The following ASPH variants were observed in gnomAD, a reference collection of about 807,000 sequenced individuals.
ASPH encodes the protein aspartate beta-hydroxylase.
ASPH carries 100 observed loss-of-function variants against 118.4 expected under a neutral mutation model. The observed-to-expected ratio is 0.84, with a 90% CI of 0.72 to 1.00. ASPH has a LOEUF of 1.00. Ranked by LOEUF, ASPH falls within the 50% of genes least tolerant of loss-of-function variation. The pLI, the probability that ASPH is intolerant of heterozygous loss-of-function variation, is 0.00. For synonymous variants in ASPH, 315 were observed against 325.6 expected, an observed-to-expected ratio of 0.97 and a Z score of 0.35; for missense variants, 920 against 919.5, an observed-to-expected ratio of 1.00 and a Z score of -0.01.
rs748124930 is a variant in ASPH at position 61,703,052 on chromosome 8, T to C, written c.103+11217A>G. On this transcript the variant is annotated intron_variant, in intron 1 of 24. Coordinates refer to ENST00000379454, the MANE Select transcript of ASPH (RefSeq NM_004318.4). ...CAAAATATTAGCAAATAAAGCAATA[T>C]ATAAAAAGGACAATTCAAATCAACC... Among the ~76,000 whole-genome samples, 6 of 152,178 alleles carry C rather than the reference T, an allele frequency of 3.9e-5. No individual in the cohort carries two copies. The East Asian group carries it at 9.7e-4, about 24-fold the overall frequency.
intron 15 of ASPH, chr8:61,579,289 A>G: frequency 6.2e-7 from 1 of 1,614,178 alleles, no homozygotes; most frequent in Non-Finnish European, 8.5e-7. Flanking sequence ...TCCGAGCTGG[A>G]GGCTGCCCTG....
chr8:61,578,180 C>T (rs1000020692), intron 15 of ASPH: 94 of 1,537,896 alleles, frequency 6.1e-5, no homozygotes, highest in African/African-American at 4.4e-4. Flanking sequence ...CTAGGATCTC[C>T]GCCTGGTTCG....
intron 3 of ASPH, chr8:61,661,948 C>G (rs1479849449): frequency 9.0e-6 from 4 of 445,924 alleles, no homozygotes; most frequent in Non-Finnish European, 1.2e-5. Context: ...AATTGAAAGA[C>G]TTGTTTAAAA....
intron 3 of ASPH, chr8:61,659,491 GATAC>G (rs1361673601): frequency 3.3e-5 from 5 of 152,142 alleles, no homozygotes; most frequent in African/African-American, 1.2e-4. Flanking sequence ...GCAATAAATA[GATAC>G]ACAAAGTGAA....
intron 15 of ASPH, among the ~76,000 whole-genome samples, chr8:61,580,928 T>C (rs1425350809): frequency 1.3e-5 from 2 of 152,234 alleles, no homozygotes; most frequent in Non-Finnish European, 2.9e-5. Context: ...TTTGGGGGTC[T>C]ATTTTCAGCC....
At chr8:61,658,508 G>A (rs527939123) in intron 3 of ASPH, 200 of 152,260 alleles carry the variant, frequency 1.3e-3, no homozygotes, top group African/African-American at 4.6e-3. Flanking sequence ...TGGGACAAGA[G>A]GATGCCTTTG....
intron 3 of ASPH, among the ~76,000 whole-genome samples, chr8:61,667,576 A>G (rs915221945): frequency 6.6e-6 from 1 of 152,186 alleles, no homozygotes; most frequent in Admixed American, 6.5e-5. Flanking sequence ...CATATTGCTC[A>G]GGCTAGTCTC....
chr8:61,541,606 T>TAAA (rs1216852449), intron 21 of ASPH, among the ~76,000 whole-genome samples: 2 of 152,200 alleles, frequency 1.3e-5, no homozygotes, highest in African/African-American at 4.8e-5. Context: ...GTCAATGAAC[T>TAAA]CTGGGTTTCT....
chr8:61,512,203 C>T (rs1188736552), intron 24 of ASPH, among the ~76,000 whole-genome samples: 5 of 152,136 alleles, frequency 3.3e-5, no homozygotes, highest in Non-Finnish European at 5.9e-5. Flanking sequence ...GCCGCCCTGT[C>T]CCCCTTCCCT....
intron 22 of ASPH, among the ~76,000 whole-genome samples, chr8:61,518,746 C>A (rs1455912738): frequency 6.6e-6 from 1 of 152,220 alleles, no homozygotes; most frequent in Non-Finnish European, 1.5e-5. Flanking sequence ...CCTGCAACTA[C>A]AGGTACAGAC....
chr8:61,622,681 C>T (rs1473346509), intron 13 of ASPH, among the ~76,000 whole-genome samples: 1 of 152,180 alleles, frequency 6.6e-6, no homozygotes, highest in Non-Finnish European at 1.5e-5. Context: ...TTTGGCCTCC[C>T]TCCAATGGCT....
chr8:61,688,978 C>G (rs1157826004), intron 1 of ASPH, among the ~76,000 whole-genome samples: 3 of 152,200 alleles, frequency 2.0e-5, no homozygotes, highest in Non-Finnish European at 4.4e-5. Flanking sequence ...GCTGATTAGA[C>G]AGCTGAGAGT....
At chr8:61,702,303 T>G (rs1404153798) in intron 1 of ASPH, among the ~76,000 whole-genome samples, 6 of 145,082 alleles carry the variant, frequency 4.1e-5, no homozygotes, top group African/African-American at 1.5e-4. Context: ...TTTTTTTTTT[T>G]TGACAGAGTC....
chr8:61,673,468 A>G (rs1045722307), intron 3 of ASPH, among the ~76,000 whole-genome samples: 7 of 152,242 alleles, frequency 4.6e-5, no homozygotes, highest in Non-Finnish European at 8.8e-5. Flanking sequence ...AAGCCAGAAC[A>G]GTGACTCTGA....
chr8:61,534,965 A>G (rs1441556566), intron 21 of ASPH, among the ~76,000 whole-genome samples: 1 of 152,222 alleles, frequency 6.6e-6, no homozygotes, highest in Non-Finnish European at 1.5e-5. Flanking sequence ...GGGCTTACAG[A>G]GGGCCAACTT....
chr8:61,658,012 A>G (rs907690343), intron 3 of ASPH: 1 of 152,182 alleles, frequency 6.6e-6, no homozygotes, highest in East Asian at 1.9e-4. Flanking sequence ...TACTGTTTCA[A>G]TTGCAAGGAG....
At chr8:61,504,201 A>G (rs1182750377) in intron 24 of ASPH, among the ~76,000 whole-genome samples, 1 of 152,238 alleles carries the variant, frequency 6.6e-6, no homozygotes, top group Non-Finnish European at 1.5e-5. Context: ...TAAGAGAGAA[A>G]CATACAGGAG....
chr8:61,681,611 C>T (rs1828100771), intron 2 of ASPH, among the ~76,000 whole-genome samples: 1 of 151,560 alleles, frequency 6.6e-6, no homozygotes, highest in African/African-American at 2.4e-5. Context: ...AATAAAAGAT[C>T]ATTCTGGAAA....
intron 24 of ASPH, among the ~76,000 whole-genome samples, chr8:61,513,015 C>A (rs1010575204): frequency 2.0e-5 from 3 of 152,120 alleles, no homozygotes; most frequent in African/African-American, 4.8e-5. Context: ...GGGCTGCATA[C>A]CTGCCAGTTC....
Sources: allele counts gnomAD v4.1 joint callset (sites outside exome capture counted in the v4.1 genomes callset), GRCh38; gene constraint gnomAD v4.1.1; transcripts MANE v1.5; gene names NCBI Gene and HGNC (gene_info 2026-07-23, HGNC 2026-07-21).